Variants in CILP2 observed in about 807,000 individuals in gnomAD.
CILP2 encodes the protein CILP-2.
In CILP2, 38 loss-of-function variants were observed where a neutral mutation model predicts 45.6. The ratio of observed to expected loss-of-function variants is 0.83; its 90% CI spans 0.64 to 1.09. The LOEUF (loss-of-function observed/expected upper bound fraction) is 1.09. Among genes scored for constraint, CILP2 ranks in the 50% least tolerant of loss-of-function variants. The probability of loss-of-function intolerance (pLI) is 0.00; values close to 1 mark genes in which losing one functional copy is unlikely to be tolerated. For missense variants in CILP2, 1,735 were observed against 1,662.2 expected, an observed-to-expected ratio of 1.04 and a Z score of -0.76; for synonymous variants, 780 against 723.5, an observed-to-expected ratio of 1.08 and a Z score of -1.25.
At position 19,544,763 on chromosome 19, in the gene CILP2, A is replaced by T; in HGVS notation, c.2218A>T (p.Lys740Ter). The change falls in exon 8 of 8, where the codon AAG becomes TAG. Residue 740 changes from lysine to a stop codon, truncating the protein, a stop_gained. Transcript: ENST00000291495. LOFTEE classifies it low-confidence loss of function (END_TRUNC). Reference protein sequence around the residue: ...DVPERRRCFVKVRAYANDKFT... With the variant: ...DVPERRRCFV ...GCCTGAGCGCCGCCGCTGCTTCGTGAAGGTGCGCGCCTACGCCAACGACAA... is the reference window on the plus strand; with the variant it reads ...GCCTGAGCGCCGCCGCTGCTTCGTGTAGGTGCGCGCCTACGCCAACGACAA... 6.2e-6 allele frequency: 10 copies of T among 1,606,870 alleles called. No homozygotes were observed. The highest frequency in any genetic ancestry group is 8.5e-6 in the Non-Finnish European group (10 of 1,179,422).
In CILP2 at chr19:19,543,983, G is replaced by A. The variant is rs1366945284; in HGVS notation, c.1438G>A (p.Val480Met). The A allele has an allele frequency of 6.2e-7, 1 of 1,613,296 alleles. No homozygotes were observed. The highest frequency in any genetic ancestry group is 1.1e-5 in the South Asian group (1 of 91,080). ...PPRGLVRGRV[V>M]AADSGEPLRF... ...TCGGGGGCTGGTCCGGGGCCGTGTT[G>A]TGGCTGCTGACTCCGGGGAGCCGCT... The change falls in exon 8 of 8, where the codon GTG becomes ATG. Residue 480 changes from valine (V) to methionine (M), a missense_variant. Val to Met is a conservative substitution (Grantham distance 21). Transcript: ENST00000291495.
rs1239690360 is a variant in CILP2 at position 19,544,823 on chromosome 19, G to C, written c.2278G>C (p.Val760Leu). ...TPSEQVEGVV[V>L]TLVNLEPAPG... ...CAGCGAGCAGGTGGAGGGCGTGGTGGTCACGCTGGTCAATCTGGAGCCCGC... is the reference window on the plus strand; with the variant it reads ...CAGCGAGCAGGTGGAGGGCGTGGTGCTCACGCTGGTCAATCTGGAGCCCGC... The change falls in exon 8 of 8, where the codon GTC (valine) becomes CTC (leucine). Residue 760 changes from valine (V) to leucine (L), a missense_variant. Transcript: ENST00000291495. The C allele has an allele frequency of 6.2e-7, 1 of 1,602,784 alleles. No homozygotes were observed. The highest frequency in any genetic ancestry group is 1.7e-5 in the Admixed American group (1 of 59,962).
chr19:19,540,479 G>T lies in CILP2; in HGVS notation c.436+3G>T. ...CGTGCGCTTCCGCTGCCCACTAGGT[G>T]AGGGCGGGGCTGGATGACGGGGGCG... On this transcript the variant is annotated splice_donor_region_variant and intron_variant, in intron 3 of 7. Transcript: ENST00000291495. The T allele has an allele frequency of 7.0e-7, 1 of 1,426,770 alleles. No homozygotes were observed. The highest frequency in any genetic ancestry group is 9.1e-7 in the Non-Finnish European group (1 of 1,093,552). 88.4% of individuals were successfully genotyped at this position (1,426,770 alleles called of 1,614,324 possible). A position where few individuals can be genotyped will look rare whatever the true frequency, so the allele number is the denominator to read the frequency against.
In CILP2 at chr19:19,544,612, C is replaced by G. The variant is rs180948080; in HGVS notation, c.2067C>G (p.Gly689=). ...LKLWSLNPET[G]LWEEESGFRR... ...TGTGGTCGCTGAACCCCGAGACCGG[C>G]TTGTGGGAGGAGGAGAGCGGCTTCC... is the stretch of plus-strand genomic sequence containing the variant. Residue 689 remains glycine, a synonymous_variant, in exon 8 of 8, where the codon GGC becomes GGG. Transcript: ENST00000291495. 2.4e-3 allele frequency: 3,842 copies of G among 1,576,320 alleles called. 25 individuals carry two copies. Among genetic ancestry groups the G allele is most frequent in the Middle Eastern group, 0.021 (127 of 5,956 alleles).
chr19:19,539,648 G>T (rs769966134), intron 1 of CILP2, 31 bp from the exon 2 acceptor site: 1 of 1,497,336 alleles, frequency 6.7e-7, no homozygotes, highest in African/African-American at 1.4e-5. Flanking sequence ...CAGTAGCAGC[G>T]TGCTTCCTTC....
In CILP2 at chr19:19,545,218, G is replaced by A. The variant is rs755069085; in HGVS notation, c.2673G>A (p.Pro891=). ...GCCTGCGGGAATGCCAGGGGGCCCC[G>A]GTGACTGCCAGCCACTTCCGCTTCG... is the stretch of plus-strand genomic sequence containing the variant. ...WRSLRECQGA[P]VTASHFRFAR... The change falls in exon 8 of 8, where the codon CCG becomes CCA. Residue 891 remains proline, a synonymous_variant. Coordinates refer to ENST00000291495, the MANE Select transcript of CILP2 (RefSeq NM_153221.2). 23 of 1,612,340 alleles carry A rather than the reference G, an allele frequency of 1.4e-5. No individual in the cohort carries two copies. The East Asian group carries it at 1.8e-4, about 13-fold the overall frequency.
rs779930926 is a variant in CILP2, at chr19:19,544,551, A to G, written c.2006A>G (p.Gln669Arg). Residue 669 changes from glutamine (Q) to arginine (R), a missense_variant, in exon 8 of 8, where the codon CAG becomes CGG. Transcript: ENST00000291495. ...GTGGCCGTGCGGGTGGCCGCCAGCC[A>G]GATCCACATGCCAGGCCACGTGGAG... Reference protein sequence around the residue: ...GPVAVRVAASQIHMPGHVEAL... With the variant: ...GPVAVRVAASRIHMPGHVEAL... 6.3e-7 allele frequency: 1 copy of G among 1,580,992 alleles called. No individual in the cohort carries two copies.
At chr19:19,542,821 G>GCAAC (rs1341496611) in intron 5 of CILP2, 43 bp from the exon 6 acceptor site, 4 of 1,569,050 alleles carry the variant, frequency 2.5e-6, no homozygotes, top group Non-Finnish European at 3.5e-6. Context: ...TCCTAGGAAG[G>GCAAC]GTGGGTGGGA....
At position 19,545,187 on chromosome 19, in the gene CILP2, G is replaced by A; in HGVS notation, c.2642G>A (p.Trp881Ter). ...GAGGCCAATGGGCCTGTGTACCCGTGGCGCAGCCTGCGGGAATGCCAGGGG... is the reference window on the plus strand; with the variant it reads ...GAGGCCAATGGGCCTGTGTACCCGTAGCGCAGCCTGCGGGAATGCCAGGGG... ...PAEANGPVYP[W>*]RSLRECQGAP... is the part of the protein sequence containing the mutation. The change falls in exon 8 of 8, where the codon TGG becomes TAG. Residue 881 changes from tryptophan (W) to a stop codon, truncating the protein, a stop_gained. Coordinates refer to ENST00000291495, the MANE Select transcript of CILP2 (RefSeq NM_153221.2). LOFTEE classifies it low-confidence loss of function (END_TRUNC). 6.2e-7 allele frequency: 1 copy of A among 1,612,726 alleles called. No homozygotes were observed. The highest frequency in any genetic ancestry group is 2.2e-5 in the East Asian group (1 of 44,870).
rs774818023 is a variant in CILP2, at chr19:19,545,118, G to T, written c.2573G>T (p.Gly858Val). The change falls in exon 8 of 8, where the codon GGC (glycine) becomes GTC (valine). Residue 858 changes from glycine (G) to valine (V), a missense_variant. Gly to Val is a moderately radical substitution (Grantham distance 109, BLOSUM62 -3). Transcript: ENST00000291495. ...DHDDPAFKRN[G>V]FRINLAKPRP... ...GACGATCCCGCCTTCAAGCGTAACG[G>T]CTTCCGCATCAACCTCGCCAAGCCC... 6.2e-7 allele frequency: 1 copy of T among 1,612,074 alleles called. No individual in the cohort carries two copies. Among genetic ancestry groups the T allele is most frequent in the South Asian group, 1.1e-5 (1 of 91,008 alleles).
rs764284763 is a variant in CILP2 at position 19,544,672 on chromosome 19, G to A, written c.2127G>A (p.Arg709=). 6.4e-7 allele frequency: 1 copy of A among 1,567,136 alleles called. No homozygotes were observed. The highest frequency in any genetic ancestry group is 8.6e-7 in the Non-Finnish European group (1 of 1,163,538). Reference sequence around the variant, plus strand: ...GGTCCTCGGGCCCCCGGGTGCGCCGGGAGGAGCGCGTCTTCCTGGTGGGCA... The same window carrying A: ...GGTCCTCGGGCCCCCGGGTGCGCCGAGAGGAGCGCGTCTTCCTGGTGGGCA... ...REGSSGPRVR[R]EERVFLVGNV... is the part of the protein sequence containing the mutation. Residue 709 remains arginine (R), a synonymous_variant, in exon 8 of 8, where the codon CGG becomes CGA. Coordinates refer to ENST00000291495, the MANE Select transcript of CILP2 (RefSeq NM_153221.2).
chr19:19,543,437 C>A (rs772017942), intron 7 of CILP2, 32 bp downstream of exon 7: 4 of 1,610,028 alleles, frequency 2.5e-6, no homozygotes, highest in Admixed American at 1.7e-5. Context: ...CCCGAGCAAG[C>A]CTTCACCCAA....
Position 19,545,079 on chromosome 19 carries a change from G to T in CILP2, c.2534G>T (p.Arg845Leu), listed in dbSNP as rs750633279. The change falls in exon 8 of 8, where the codon CGT (arginine) becomes CTT (leucine). Residue 845 changes from arginine to leucine, a missense_variant. Physicochemically the swap from Arg to Leu is moderately radical, Grantham distance 102. Coordinates refer to ENST00000291495, the MANE Select transcript of CILP2 (RefSeq NM_153221.2). Reference sequence around the variant, plus strand: ...CCCTACCTGGACAGGCTGGGGTACCGTCGGACGGACCACGACGATCCCGCC... The same window carrying T: ...CCCTACCTGGACAGGCTGGGGTACCTTCGGACGGACCACGACGATCCCGCC... Reference protein sequence around the residue: ...TQPYLDRLGYRRTDHDDPAFK... With the variant: ...TQPYLDRLGYLRTDHDDPAFK... The T allele has an allele frequency of 3.1e-6, 5 of 1,610,030 alleles. No homozygotes were observed. The highest frequency in any genetic ancestry group is 1.3e-5 in the African/African-American group (1 of 74,902).
chr19:19,543,710 C>G lies in CILP2; in HGVS notation c.1165C>G (p.Pro389Ala), dbSNP rs777713707. ...AGGCCAGCCAGCCTGCGACCCCCGG[C>G]CCCGAGAGTACCTGATCAAGCTCCC... ...APGQPACDPRPREYLIKLPED... is the reference protein window; with the variant it reads ...APGQPACDPRAREYLIKLPED... The change falls in exon 8 of 8, where the codon CCC (proline) becomes GCC (alanine). Residue 389 changes from proline to alanine, a missense_variant. Physicochemically the swap from Pro to Ala is conservative, Grantham distance 27 (BLOSUM62 -1). Coordinates refer to ENST00000291495, the MANE Select transcript of CILP2 (RefSeq NM_153221.2). The G allele has an allele frequency of 6.2e-7, 1 of 1,601,846 alleles. No individual in the cohort carries two copies. The highest frequency in any genetic ancestry group is 8.5e-7 in the Non-Finnish European group (1 of 1,171,934).
In CILP2 at chr19:19,541,940, C is replaced by T. The variant is rs556430040; in HGVS notation, c.593-435C>T. On this transcript the variant is annotated intron_variant, in intron 4 of 7. Transcript: ENST00000291495. ...ACCCCATCGCGCCTGGCTCTGCTCT[C>T]CCGGTGCCTGTGCCCTGAAGTTTCC... is the stretch of plus-strand genomic sequence containing the variant. Among the ~76,000 whole-genome samples, 4 of 152,290 alleles carry T rather than the reference C, an allele frequency of 2.6e-5. No individual in the cohort carries two copies. In the South Asian group the frequency reaches 8.3e-4, roughly 32 times the overall value.
intron 6 of CILP2, 44 bp downstream of exon 6, chr19:19,543,016 G>C: frequency 7.7e-7 from 1 of 1,304,264 alleles, no homozygotes; most frequent in Non-Finnish European, 1.1e-6. Context: ...TGTGGCTTTG[G>C]GGTTAGATTC....
rs2144675393 is a variant in CILP2 at position 19,539,897 on chromosome 19, G to GTCCCCGGACA, written c.163+122_163+131dup. The GTCCCCGGACA allele has an allele frequency of 3.6e-6, 3 of 822,866 alleles. No homozygotes were observed. The South Asian group carries it at 6.4e-5, about 17-fold the overall frequency. The allele number at this position is 822,866 out of a possible 1,614,324, so 51.0% of individuals were successfully genotyped here. A position where few individuals can be genotyped will look rare whatever the true frequency, so the allele number is the denominator to read the frequency against. On this transcript the variant is annotated intron_variant, in intron 2 of 7. Coordinates refer to ENST00000291495, the MANE Select transcript of CILP2 (RefSeq NM_153221.2). ...AGACGAAGGGCCCGGCGCCGTCCTG[G>GTCCCCGGACA]TCCCCGGACATGACAGCCCCTGGAG... is the stretch of plus-strand genomic sequence containing the variant.
In CILP2 at chr19:19,544,256, C is replaced by T; in HGVS notation, c.1711C>T (p.Pro571Ser). 6.2e-7 allele frequency: 1 copy of T among 1,613,796 alleles called. No homozygotes were observed. Among genetic ancestry groups the T allele is most frequent in the East Asian group, 2.2e-5 (1 of 44,876 alleles). The change falls in exon 8 of 8, where the codon CCC (proline) becomes TCC (serine). Residue 571 changes from proline (P) to serine (S), a missense_variant. Coordinates refer to ENST00000291495, the MANE Select transcript of CILP2 (RefSeq NM_153221.2). ...ILHTSQSNTIPLGELEDEAPL... is the reference protein window; with the variant it reads ...ILHTSQSNTISLGELEDEAPL... ...ACATACCAGCCAGAGCAACACGATCCCCCTGGGCGAGCTGGAAGATGAGGC... is the reference window on the plus strand; with the variant it reads ...ACATACCAGCCAGAGCAACACGATCTCCCTGGGCGAGCTGGAAGATGAGGC...
At position 19,543,383 on chromosome 19, in the gene CILP2, C is replaced by T; in HGVS notation, c.1113C>T (p.Gly371=). Reference sequence around the variant, plus strand: ...ATGAGGCGGGTGCCGTGCGCTCGGGCACTGCCCGGCTCACTGTACTTGGTG... The same window carrying T: ...ATGAGGCGGGTGCCGTGCGCTCGGGTACTGCCCGGCTCACTGTACTTGGTG... ...AWNEAGAVRS[G]TARLTVLAPG... The change falls in exon 7 of 8, where the codon GGC becomes GGT. Residue 371 remains glycine, a synonymous_variant. Transcript: ENST00000291495. 6.2e-7 allele frequency: 1 copy of T among 1,613,296 alleles called. No homozygotes were observed. The highest frequency in any genetic ancestry group is 8.5e-7 in the Non-Finnish European group (1 of 1,179,990).
Sources: gnomAD v4.1 joint callset for allele counts (sites outside exome capture counted in the v4.1 genomes callset) on GRCh38, gnomAD v4.1.1 for gene constraint, MANE v1.5 for transcripts, NCBI Gene and HGNC (gene_info 2026-07-23, HGNC 2026-07-21) for gene names.